GALNT1: variants seen among roughly 807,000 people sequenced by gnomAD.
GALNT1 encodes polypeptide N-acetylgalactosaminyltransferase 1.
A neutral mutation model predicts 65.7 loss-of-function variants in GALNT1; 17 were observed. The ratio of observed to expected loss-of-function variants is 0.26; its 90% CI spans 0.18 to 0.39. The LOEUF (loss-of-function observed/expected upper bound fraction) is 0.39. Among genes scored for constraint, GALNT1 ranks in the 10% least tolerant of loss-of-function variants. GALNT1 has a pLI of 1.00. For missense variants in GALNT1, 460 were observed against 672.8 expected, an observed-to-expected ratio of 0.68 and a Z score of 3.50; for synonymous variants, 210 against 219.7, an observed-to-expected ratio of 0.96 and a Z score of 0.39.
chr18:35,592,432 T>C (rs2046456856), intron 1 of GALNT1, among the ~76,000 whole-genome samples: 1 of 152,062 alleles, frequency 6.6e-6, no homozygotes, highest in Non-Finnish European at 1.5e-5. Context: ...AAGAATGCTA[T>C]GCACAGAGAC....
rs558389533 is a variant in GALNT1, at chr18:35,666,982, A to G, written c.314+3180A>G. Among the ~76,000 whole-genome samples, 4 of 152,230 alleles carry G rather than the reference A, an allele frequency of 2.6e-5. No individual in the cohort carries two copies. The South Asian group carries it at 8.3e-4, about 32-fold the overall frequency. Reference sequence around the variant, plus strand: ...TTTTAGAAGACTTTTTATTATGGAAAATTTCAAATGTATACAAAAATAGAG... The same window carrying G: ...TTTTAGAAGACTTTTTATTATGGAAGATTTCAAATGTATACAAAAATAGAG... On this transcript the variant is annotated intron_variant, in intron 3 of 11. Coordinates refer to ENST00000269195, the MANE Select transcript of GALNT1 (RefSeq NM_020474.4).
At chr18:35,629,252 A>G (rs990531307) in intron 1 of GALNT1, among the ~76,000 whole-genome samples, 6 of 152,222 alleles carry the variant, frequency 3.9e-5, no homozygotes, top group African/African-American at 1.4e-4. Context: ...AGCAACTCCA[A>G]GACACATAAT....
chr18:35,659,300 A>G (rs1195044709), intron 2 of GALNT1, among the ~76,000 whole-genome samples: 4 of 152,310 alleles, frequency 2.6e-5, no homozygotes, highest in South Asian at 4.1e-4. Flanking sequence ...GATATGCTGT[A>G]CTTAAGAGTT....
chr18:35,669,865 T>C (rs969709841), intron 3 of GALNT1, among the ~76,000 whole-genome samples: 4 of 152,212 alleles, frequency 2.6e-5, no homozygotes, highest in Admixed American at 6.5e-5. Flanking sequence ...CTCACTGTTA[T>C]GAGGACTGGA....
intron 9 of GALNT1, among the ~76,000 whole-genome samples, chr18:35,700,111 A>G (rs2048133560): frequency 6.6e-6 from 1 of 152,208 alleles, no homozygotes; most frequent in South Asian, 2.1e-4. Flanking sequence ...TCCTTGAGGA[A>G]AACATCTTAC....
At chr18:35,688,209 A>G (rs2047898245) in intron 6 of GALNT1, among the ~76,000 whole-genome samples, 1 of 152,192 alleles carries the variant, frequency 6.6e-6, no homozygotes. Flanking sequence ...GTATTAAATG[A>G]TAATTCTGAA....
chr18:35,663,679 C>T lies in GALNT1; in HGVS notation c.191C>T (p.Pro64Leu), dbSNP rs746621854. Residue 64 changes from proline to leucine, a missense_variant, in exon 3 of 12, where the codon CCA (proline) becomes CTA (leucine). By Grantham distance (98) the Pro-to-Leu change is moderately conservative. Coordinates refer to ENST00000269195, the MANE Select transcript of GALNT1 (RefSeq NM_020474.4). Reference protein sequence around the residue: ...PHEGPGEMGKPVVIPKEDQEK... With the variant: ...PHEGPGEMGKLVVIPKEDQEK... The stretch of plus-strand genomic sequence containing the variant: ...GAAGGTCCTGGAGAAATGGGGAAAC[C>T]AGTCGTCATTCCTAAAGAGGATCAA... The T allele has an allele frequency of 6.2e-7, 1 of 1,613,790 alleles. No individual in the cohort carries two copies. The highest frequency in any genetic ancestry group is 2.2e-5 in the East Asian group (1 of 44,876).
intron 1 of GALNT1, among the ~76,000 whole-genome samples, chr18:35,623,379 T>C (rs1195596000): frequency 6.6e-6 from 1 of 152,180 alleles, no homozygotes; most frequent in Non-Finnish European, 1.5e-5. Context: ...TCAACAGTTT[T>C]AAACAAGATG....
chr18:35,607,093 A>G (rs1047841634), intron 1 of GALNT1, among the ~76,000 whole-genome samples: 10 of 152,064 alleles, frequency 6.6e-5, no homozygotes, highest in African/African-American at 2.4e-4. Context: ...GCTTGAAAAG[A>G]TAAGTAGGCT....
chr18:35,611,743 G>A (rs2046719929), intron 1 of GALNT1, among the ~76,000 whole-genome samples: 1 of 152,198 alleles, frequency 6.6e-6, no homozygotes, highest in South Asian at 2.1e-4. Flanking sequence ...CCTGTGTTAG[G>A]CAGCACCACC....
intron 1 of GALNT1, among the ~76,000 whole-genome samples, chr18:35,631,341 C>CA (rs1205619613): frequency 6.6e-6 from 1 of 152,090 alleles, no homozygotes; most frequent in Non-Finnish European, 1.5e-5. Flanking sequence ...AGCAGCACAT[C>CA]AAAAAGCTTA....
upstream of GALNT1, chr18:35,581,668 C>T (rs2046316895): frequency 2.1e-5 from 1 of 47,540 alleles, no homozygotes; most frequent in Admixed American, 2.1e-4. Flanking sequence ...CCGAGCCGGG[C>T]GCGGAGGCGG....
intron 1 of GALNT1, among the ~76,000 whole-genome samples, chr18:35,615,559 G>T (rs2046773137): frequency 6.6e-6 from 1 of 152,172 alleles, no homozygotes; most frequent in South Asian, 2.1e-4. Flanking sequence ...TAATTTGGCT[G>T]TACTAAAATT....
chr18:35,581,603 G>A (rs1236089487), upstream of GALNT1: 1 of 111,824 alleles, frequency 8.9e-6, no homozygotes, highest in Admixed American at 8.2e-5. Flanking sequence ...ATGCGGGGCG[G>A]CCCGGAGTAG....
chr18:35,687,621 A>AAGTT (rs1387987294), intron 6 of GALNT1, among the ~76,000 whole-genome samples: 1 of 152,212 alleles, frequency 6.6e-6, no homozygotes, highest in Non-Finnish European at 1.5e-5. Context: ...TTGACTGGTA[A>AAGTT]AGTTAGAAAA....
At chr18:35,598,001 C>T (rs1468245301) in intron 1 of GALNT1, among the ~76,000 whole-genome samples, 2 of 53,582 alleles carry the variant, frequency 3.7e-5, no homozygotes, top group East Asian at 5.2e-4. Flanking sequence ...CCCCTCCCCT[C>T]CCCTCCCCTC....
rs139854400 is a variant in GALNT1 at position 35,613,423 on chromosome 18, T to A, written c.-104+31561T>A. Among the ~76,000 whole-genome samples the A allele has an allele frequency of 6.3e-3, 962 of 152,276 alleles. 10 individuals carry two copies. The highest frequency in any genetic ancestry group is 0.035 in the South Asian group (170 of 4,828). On this transcript the variant is annotated intron_variant, in intron 1 of 11. Coordinates refer to ENST00000269195, the MANE Select transcript of GALNT1 (RefSeq NM_020474.4). ...CTGGACTTAATATTCAAAATATCTT[T>A]TAAATGCATCGTTGAGCTGACAAGA...
At chr18:35,682,851 G>T (rs1298300291) in intron 4 of GALNT1, among the ~76,000 whole-genome samples, 7 of 144,064 alleles carry the variant, frequency 4.9e-5, no homozygotes, top group South Asian at 2.2e-4. Flanking sequence ...ATTTGGCCTT[G>T]CAGTTAACAG....
intron 7 of GALNT1, among the ~76,000 whole-genome samples, 197 bp from the exon 8 acceptor site, chr18:35,690,815 C>T (rs1373278832): frequency 6.6e-6 from 1 of 152,126 alleles, no homozygotes; most frequent in Non-Finnish European, 1.5e-5. Flanking sequence ...CATATATGGT[C>T]TTTGCTGTTA....
Sources: gnomAD v4.1 joint callset for allele counts (sites outside exome capture counted in the v4.1 genomes callset) on GRCh38, gnomAD v4.1.1 for gene constraint, MANE v1.5 for transcripts, NCBI Gene and HGNC (gene_info 2026-07-23, HGNC 2026-07-21) for gene names.